WDR13: variants seen among roughly 807,000 people sequenced by gnomAD.
The protein encoded by WDR13 is WD repeat domain 13, also known as WD repeat-containing protein 13.
In WDR13, 1 loss-of-function variant was observed where a neutral mutation model predicts 28.6. The observed-to-expected ratio is 0.03, with a 90% confidence interval of 0.01 to 0.17. The LOEUF is 0.17. Among genes scored for constraint, WDR13 ranks in the 10% least tolerant of loss-of-function variants. The pLI, the probability that WDR13 is intolerant of heterozygous loss-of-function variation, is 1.00. For missense variants in WDR13, 264 were observed against 469.3 expected, an observed-to-expected ratio of 0.56 and a Z score of 4.04; for synonymous variants, 201 against 185.9, an observed-to-expected ratio of 1.08 and a Z score of -0.66.
At chrX:48,601,705 C>G (rs1382305315) in intron 6 of WDR13, 79 bp from the exon 7 acceptor site, 1 of 1,018,582 alleles carries the variant, frequency 9.8e-7, no homozygotes, top group East Asian at 3.3e-5. Context: ...CCAGTCGCAT[C>G]AACAGCAGCC....
rs1329309805 is a variant in WDR13 at position 48,607,690 on chromosome X, A to G, written c.*2658A>G. 1 of 109,285 alleles carries G rather than the reference A, an allele frequency of 9.2e-6. No individual in the cohort carries two copies. The highest frequency in any genetic ancestry group is 1.9e-5 in the Non-Finnish European group (1 of 52,577). 9.0% of individuals were successfully genotyped at this position (109,285 alleles called of 1,213,427 possible). On this transcript the variant is annotated 3_prime_UTR_variant, in exon 10 of 10. Transcript: ENST00000376729. ...ATCAAGTTTTTATTGGGGCATGGTC[A>G]CATAGGCACCCCCTGCCTGGCACCT...
In WDR13 at chrX:48,606,604, A is replaced by G. The variant is rs1301647746; in HGVS notation, c.*1572A>G. 6 of 111,943 alleles carry G rather than the reference A, an allele frequency of 5.4e-5. No homozygotes were observed. Among genetic ancestry groups the G allele is most frequent in the Non-Finnish European group, 1.1e-4 (6 of 53,161 alleles). The allele number at this position is 111,943 out of a possible 1,213,427, so 9.2% of individuals were successfully genotyped here. A position where few individuals can be genotyped will look rare whatever the true frequency, so the allele number is the denominator to read the frequency against. Reference sequence around the variant, plus strand: ...TTGAGGGGAGCCCCAAGAGAGGAGAAAAAGCTTTGAGTATTGATGGGGGTA... The same window carrying G: ...TTGAGGGGAGCCCCAAGAGAGGAGAGAAAGCTTTGAGTATTGATGGGGGTA... On this transcript the variant is annotated 3_prime_UTR_variant, in exon 10 of 10. Transcript: ENST00000376729.
chrX:48,604,512 C>G, intron 9 of WDR13, 122 bp downstream of exon 9: 1 of 571,996 alleles, frequency 1.7e-6, no homozygotes, highest in Non-Finnish European at 2.8e-6. Flanking sequence ...ATGACCCCTC[C>G]TGCCCCAACA....
In WDR13 at chrX:48,598,922, G is replaced by A. The variant is rs868942700; in HGVS notation, c.247G>A (p.Val83Ile). Residue 83 changes from valine to isoleucine, a missense_variant, in exon 3 of 10, where the codon GTC (valine) becomes ATC (isoleucine). Val to Ile is a conservative substitution (Grantham distance 29, BLOSUM62 3). Transcript: ENST00000376729. ...TGCTCGTGCCTATAGCAACAGCATC[G>A]TCCGCAGTAGCCGCACTACTCTTGA... ...GSARAYSNSI[V>I]RSSRTTLDRM... 3.3e-6 allele frequency: 4 copies of A among 1,206,887 alleles called. No individual in the cohort carries two copies. The African/African-American group carries it at 5.3e-5, about 16-fold the overall frequency.
At chrX:48,598,357 C>G in intron 2 of WDR13, 1 of 1,018,969 alleles carries the variant, frequency 9.8e-7, no homozygotes. Context: ...ATCATCACTT[C>G]CCCATTCTGA....
rs1202751976 is a variant in WDR13, at chrX:48,605,335, G to A, written c.*303G>A. The A allele has an allele frequency of 5.0e-5, 15 of 299,292 alleles. No individual in the cohort carries two copies. The highest frequency in any genetic ancestry group is 1.6e-4 in the African/African-American group (6 of 37,954). 24.7% of individuals were successfully genotyped at this position (299,292 alleles called of 1,213,427 possible). A position where few individuals can be genotyped will look rare whatever the true frequency, so the allele number is the denominator to read the frequency against. ...CGATAGACATTAGTGAGCCCTGACC[G>A]TGTGCCAGGAACTGTTCTAGGCACT... On this transcript the variant is annotated 3_prime_UTR_variant, in exon 10 of 10. Transcript: ENST00000376729.
chrX:48,600,233 C>T, intron 5 of WDR13, 86 bp from the exon 6 acceptor site: 3 of 1,071,157 alleles, frequency 2.8e-6, no homozygotes, highest in Non-Finnish European at 3.7e-6. Flanking sequence ...GGGGCCCCAG[C>T]CCCAGGCACA....
intron 8 of WDR13, among the ~76,000 whole-genome samples, chrX:48,604,016 G>A (rs1556995349): frequency 9.0e-6 from 1 of 110,789 alleles, no homozygotes; most frequent in African/African-American, 3.3e-5. Flanking sequence ...GTGCCTATAG[G>A]TAGTCCCGGC....
chrX:48,597,686 T>G (rs2062151844), intron 1 of WDR13, 72 bp downstream of exon 1: 3 of 279,470 alleles, frequency 1.1e-5, no homozygotes, highest in Non-Finnish European at 1.9e-5. Flanking sequence ...ACAAGATGGG[T>G]GGAGAATGTC....
At position 48,605,083 on chromosome X, in the gene WDR13, C is replaced by T; in HGVS notation, c.*51C>T. ...TCCATCCCACCCCTCTTACTCCAGCCTCGTGTTGTAAATAAAGTTTCGGTG... is the reference window on the plus strand; with the variant it reads ...TCCATCCCACCCCTCTTACTCCAGCTTCGTGTTGTAAATAAAGTTTCGGTG... On this transcript the variant is annotated 3_prime_UTR_variant, in exon 10 of 10. Transcript: ENST00000376729. 8.7e-7 allele frequency: 1 copy of T among 1,153,834 alleles called. No individual in the cohort carries two copies. Among genetic ancestry groups the T allele is most frequent in the South Asian group, 2.0e-5 (1 of 50,458 alleles).
At chrX:48,604,031 C>T (rs1413362181) in intron 8 of WDR13, among the ~76,000 whole-genome samples, 5 of 110,049 alleles carry the variant, frequency 4.5e-5, no homozygotes, top group African/African-American at 6.6e-5. Flanking sequence ...CCCGGCTACT[C>T]GGGAGACTGA....
chrX:48,601,585 G>A (rs1373524266), intron 6 of WDR13, among the ~76,000 whole-genome samples, 199 bp from the exon 7 acceptor site: 3 of 112,142 alleles, frequency 2.7e-5, no homozygotes, highest in African/African-American at 6.5e-5. Flanking sequence ...TAGGCAGGTG[G>A]CCTACTCTGG....
rs782669008 is a variant in WDR13, at chrX:48,604,954, C to T, written c.1380C>T (p.Ser460=). 2 of 1,211,883 alleles carry T rather than the reference C, an allele frequency of 1.7e-6. No individual in the cohort carries two copies. Among genetic ancestry groups the T allele is most frequent in the South Asian group, 3.5e-5 (2 of 57,007 alleles). The change falls in exon 10 of 10, where the codon AGC becomes AGT. Residue 460 remains serine, a synonymous_variant. Transcript: ENST00000376729. ...ACAGTGCACCTGTGCTTGATGTCAG[C>T]TTCAACTGCGACGAGAGCCTACTGG... ...QGHSAPVLDV[S]FNCDESLLAS...
chrX:48,602,790 T>C (rs781857281), intron 8 of WDR13, among the ~76,000 whole-genome samples: 1 of 110,494 alleles, frequency 9.1e-6, no homozygotes, highest in East Asian at 2.8e-4. Context: ...GGATGCTTTT[T>C]ATTCTACCCC....
Position 48,605,183 on chromosome X carries a change from G to C in WDR13, c.*151G>C, listed in dbSNP as rs1556995748. On this transcript the variant is annotated 3_prime_UTR_variant, in exon 10 of 10. Transcript: ENST00000376729. ...GGGCAGCGGGCAGCTCCAGGAACAC[G>C]GTGGAACGGGGTTCATTGACTCATT... The C allele has an allele frequency of 1.8e-5, 11 of 607,879 alleles. No individual in the cohort carries two copies. The South Asian group carries it at 3.5e-4, about 19-fold the overall frequency. 50.1% of individuals were successfully genotyped at this position (607,879 alleles called of 1,213,427 possible). A position where few individuals can be genotyped will look rare whatever the true frequency, so the allele number is the denominator to read the frequency against.
rs1324574361 is a variant in WDR13 at position 48,606,236 on chromosome X, C to G, written c.*1204C>G. 9.3e-6 allele frequency: 1 copy of G among 108,068 alleles called. No individual in the cohort carries two copies. The highest frequency in any genetic ancestry group is 2.9e-4 in the East Asian group (1 of 3,416). The allele number at this position is 108,068 out of a possible 1,213,427, so 8.9% of individuals were successfully genotyped here. On this transcript the variant is annotated 3_prime_UTR_variant, in exon 10 of 10. Coordinates refer to ENST00000376729, the MANE Select transcript of WDR13 (RefSeq NM_001347217.2). ...ACCCCTCTGAGCGCAGTGATGGGGA[C>G]TTGCACCAGGGTAGTGACAGTGGAG...
At position 48,599,446 on chromosome X, in the gene WDR13, G is replaced by A. The variant is rs2062167839; in HGVS notation, c.376G>A (p.Ala126Thr). 1 of 1,210,025 alleles carries A rather than the reference G, an allele frequency of 8.3e-7. No individual in the cohort carries two copies. Among genetic ancestry groups the A allele is most frequent in the Non-Finnish European group, 1.1e-6 (1 of 894,182 alleles). Residue 126 changes from alanine to threonine, a missense_variant, in exon 4 of 10, where the codon GCC (alanine) becomes ACC (threonine). Ala to Thr is a moderately conservative substitution (Grantham distance 58). Coordinates refer to ENST00000376729, the MANE Select transcript of WDR13 (RefSeq NM_001347217.2). ...SYQLQAQMNR[A>T]VYEDRPPGSV... is the part of the protein sequence containing the mutation. ...CCAGCTGCAGGCGCAGATGAACCGT[G>A]CCGTCTATGAGGACAGGTATGCACC...
rs72619022 is a variant in WDR13, at chrX:48,607,381, C to T, written c.*2349C>T. The T allele has an allele frequency of 2.9e-4, 1 of 3,474 alleles. No homozygotes were observed. The highest frequency in any genetic ancestry group is 8.3e-4 in the African/African-American group (1 of 1,203). The allele number at this position is 3,474 out of a possible 1,213,427, so 0.3% of individuals were successfully genotyped here. A position where few individuals can be genotyped will look rare whatever the true frequency, so the allele number is the denominator to read the frequency against. On this transcript the variant is annotated 3_prime_UTR_variant, in exon 10 of 10. Transcript: ENST00000376729. The stretch of plus-strand genomic sequence containing the variant: ...TGTTGTTGTTTTGGTTTTTTTTTGG[C>T]GGGGGGGGGGGGGTCTTGCTCTGAC...
rs1161385371 is a variant in WDR13 at position 48,605,294 on chromosome X, T to C, written c.*262T>C. 2.6e-5 allele frequency: 10 copies of C among 382,997 alleles called. No homozygotes were observed. Among genetic ancestry groups the C allele is most frequent in the Non-Finnish European group, 4.6e-5 (10 of 218,287 alleles). 31.6% of individuals were successfully genotyped at this position (382,997 alleles called of 1,213,427 possible). A position where few individuals can be genotyped will look rare whatever the true frequency, so the allele number is the denominator to read the frequency against. ...GTTACAGGCCCTGCCTTAACTGTTT[T>C]ACACACTTATGCATTCGATAGACAT... On this transcript the variant is annotated 3_prime_UTR_variant, in exon 10 of 10. Coordinates refer to ENST00000376729, the MANE Select transcript of WDR13 (RefSeq NM_001347217.2).
Sources: gnomAD v4.1 joint callset for allele counts (sites outside exome capture counted in the v4.1 genomes callset) on GRCh38, gnomAD v4.1.1 for gene constraint, MANE v1.5 for transcripts, NCBI Gene and HGNC (gene_info 2026-07-23, HGNC 2026-07-21) for gene names.